SLC8A1: variants seen among roughly 807,000 people sequenced by gnomAD.
SLC8A1 encodes the protein sodium/calcium exchanger 1.
In SLC8A1, 18 loss-of-function variants were observed where a neutral mutation model predicts 68.3. The observed-to-expected ratio is 0.26, with a 90% CI of 0.18 to 0.39. The LOEUF is 0.39. Among genes scored for constraint, SLC8A1 ranks in the 10% least tolerant of loss-of-function variants. SLC8A1 has a pLI of 1.00. For missense variants in SLC8A1, 985 were observed against 1,156.7 expected (o/e 0.85, Z 2.15); for synonymous variants, 475 against 415.5 (o/e 1.14, Z -1.74).
intron 2 of SLC8A1, among the ~76,000 whole-genome samples, chr2:40,327,677 T>C (rs1269930870): frequency 6.6e-6 from 1 of 152,144 alleles, no homozygotes; most frequent in Non-Finnish European, 1.5e-5. Flanking sequence ...ATACTGCATG[T>C]TATCACATAT....
chr2:40,129,473 C>T (rs1045551577), intron 7 of SLC8A1, among the ~76,000 whole-genome samples: 5 of 152,082 alleles, frequency 3.3e-5, no homozygotes, highest in South Asian at 2.1e-4. Flanking sequence ...TGGACTAAAG[C>T]GATCCTCCTG....
chr2:40,360,578 C>G (rs1407641300), intron 2 of SLC8A1, among the ~76,000 whole-genome samples: 1 of 152,138 alleles, frequency 6.6e-6, no homozygotes, highest in Non-Finnish European at 1.5e-5. Flanking sequence ...CTCAGCAACC[C>G]TACAGGATAG....
chr2:40,358,261 C>A (rs926506847), intron 2 of SLC8A1, among the ~76,000 whole-genome samples: 2 of 144,924 alleles, frequency 1.4e-5, no homozygotes, highest in African/African-American at 5.6e-5. Context: ...AAATTAAAAT[C>A]TGGGCAGATT....
intron 2 of SLC8A1, among the ~76,000 whole-genome samples, chr2:40,420,217 T>C (rs1217771063): frequency 6.6e-6 from 1 of 151,986 alleles, no homozygotes; most frequent in African/African-American, 2.4e-5. Context: ...TCTAGGAAAG[T>C]CTCCTAATAA....
intron 4 of SLC8A1, among the ~76,000 whole-genome samples, chr2:40,165,689 A>G (rs1050147073): frequency 9.2e-5 from 14 of 152,060 alleles, no homozygotes; most frequent in African/African-American, 3.4e-4. Context: ...TAAAATACTC[A>G]CTCACCATGT....
intron 2 of SLC8A1, among the ~76,000 whole-genome samples, chr2:40,420,570 A>T (rs984973102): frequency 6.6e-6 from 1 of 152,244 alleles, no homozygotes; most frequent in Admixed American, 6.5e-5. Context: ...ATAACTAGGT[A>T]GGTCAGCTAC....
intron 2 of SLC8A1, chr2:40,178,472 T>C (rs773107500): frequency 7.4e-6 from 12 of 1,613,148 alleles, no homozygotes; most frequent in Non-Finnish European, 1.0e-5. Context: ...CATCATCAAT[T>C]ACCTTGACTG....
chr2:40,247,557 A>T (rs1055266805), intron 2 of SLC8A1, among the ~76,000 whole-genome samples: 1 of 152,150 alleles, frequency 6.6e-6, no homozygotes, highest in Non-Finnish European at 1.5e-5. Context: ...AAAAATGAGG[A>T]AAAAAGGCTC....
At chr2:40,204,489 A>T (rs1392949193) in intron 2 of SLC8A1, among the ~76,000 whole-genome samples, 1 of 151,984 alleles carries the variant, frequency 6.6e-6, no homozygotes, top group Non-Finnish European at 1.5e-5. Context: ...AAAAACAACC[A>T]TATGGACCTT....
At chr2:40,309,766 A>G (rs2073345833) in intron 2 of SLC8A1, among the ~76,000 whole-genome samples, 2 of 152,142 alleles carry the variant, frequency 1.3e-5, no homozygotes, top group Admixed American at 1.3e-4. Context: ...GGCCTCCCAA[A>G]GTGCTGGGAT....
At chr2:40,251,203 T>A (rs2062693298) in intron 2 of SLC8A1, 1 of 151,636 alleles carries the variant, frequency 6.6e-6, no homozygotes, top group African/African-American at 2.4e-5. Context: ...AATAATTCAG[T>A]GTGTGAGGTA....
At chr2:40,386,697 A>T (rs940127940) in intron 2 of SLC8A1, among the ~76,000 whole-genome samples, 1 of 150,774 alleles carries the variant, frequency 6.6e-6, no homozygotes, top group Non-Finnish European at 1.5e-5. Context: ...AGGAAAAGTC[A>T]GTAAGTCCAT....
At chr2:40,328,133 G>T (rs72943146) in intron 2 of SLC8A1, among the ~76,000 whole-genome samples, 5,903 of 152,102 alleles carry the variant, frequency 0.039, 161 homozygotes, top group African/African-American at 0.07. Flanking sequence ...CTGAGGTTTG[G>T]ATGAGTTGAG....
chr2:40,202,219 C>T (rs1368857530), intron 2 of SLC8A1, among the ~76,000 whole-genome samples: 1 of 151,916 alleles, frequency 6.6e-6, no homozygotes, highest in Non-Finnish European at 1.5e-5. Context: ...GATCTATGAA[C>T]AATTTTTTAT....
intron 1 of SLC8A1, among the ~76,000 whole-genome samples, chr2:40,432,221 A>G (rs1480458281): frequency 1.3e-5 from 2 of 151,906 alleles, no homozygotes; most frequent in Non-Finnish European, 2.9e-5. Flanking sequence ...TTTTAGAAAG[A>G]CTTACTAGTC....
intron 1 of SLC8A1, among the ~76,000 whole-genome samples, chr2:40,482,789 C>CTTTTT (rs34808025): frequency 9.1e-5 from 12 of 131,864 alleles, no homozygotes; most frequent in African/African-American, 3.4e-4. Context: ...ACAGTTAGCA[C>CTTTTT]TTTTTTTTTT....
chr2:40,508,529 A>G (rs1706508735), intron 1 of SLC8A1, among the ~76,000 whole-genome samples: 1 of 152,078 alleles, frequency 6.6e-6, no homozygotes, highest in Non-Finnish European at 1.5e-5. Flanking sequence ...CCATAATGTC[A>G]CATATATATA....
At chr2:40,298,971 G>T (rs2070930371) in intron 2 of SLC8A1, among the ~76,000 whole-genome samples, 2 of 152,106 alleles carry the variant, frequency 1.3e-5, no homozygotes, top group Non-Finnish European at 2.9e-5. Flanking sequence ...GCCACATACT[G>T]GGAGTAAAGA....
intron 2 of SLC8A1, among the ~76,000 whole-genome samples, chr2:40,262,499 A>C (rs903866760): frequency 1.1e-4 from 17 of 152,196 alleles, no homozygotes; most frequent in African/African-American, 4.1e-4. Flanking sequence ...TTAAACAACA[A>C]ATGAGCGAAA....
Sources: allele counts gnomAD v4.1 joint callset (sites outside exome capture counted in the v4.1 genomes callset), GRCh38; gene constraint gnomAD v4.1.1; transcripts MANE v1.5; gene names NCBI Gene and HGNC (gene_info 2026-07-23, HGNC 2026-07-21).